The following ZNF385D variants were observed in gnomAD, a reference collection of about 807,000 sequenced individuals.
ZNF385D encodes the protein zinc finger protein 659.
A neutral mutation model predicts 35.8 loss-of-function variants in ZNF385D; 15 were observed. That is an observed-to-expected ratio of 0.42 (90% confidence interval 0.28 to 0.64). ZNF385D has a LOEUF of 0.64. ZNF385D is among the 30% of genes least tolerant of loss of function. ZNF385D has a pLI of 0.23. For synonymous variants in ZNF385D, 212 were observed against 186.8 expected (o/e 1.13, Z -1.10); for missense variants, 474 against 494.6 (o/e 0.96, Z 0.39).
chr3:22,232,453 GT>G (rs1172395325), intron 2 of ZNF385D, among the ~76,000 whole-genome samples: 1 of 151,772 alleles, frequency 6.6e-6, no homozygotes, highest in Non-Finnish European at 1.5e-5. Context: ...TGTTACATAG[GT>G]ATACATACAC....
intron 2 of ZNF385D, among the ~76,000 whole-genome samples, chr3:22,345,317 A>G (rs1446069674): frequency 1.3e-5 from 2 of 152,204 alleles, no homozygotes; most frequent in Non-Finnish European, 2.9e-5. Context: ...CATACTCAAT[A>G]TCTTTGTTTG....
intron 3 of ZNF385D, among the ~76,000 whole-genome samples, chr3:21,994,408 T>C (rs1287805974): frequency 6.6e-6 from 1 of 152,348 alleles, no homozygotes; most frequent in East Asian, 1.9e-4. Flanking sequence ...ATATCTATCT[T>C]TGTTGAATTT....
rs76275084 is a variant in ZNF385D at position 22,306,941 on chromosome 3, C to T, written c.106+65509G>A. Among the ~76,000 whole-genome samples, 388 of 152,228 alleles carry T rather than the reference C, an allele frequency of 2.5e-3. 2 individuals carry two copies. Among genetic ancestry groups the T allele is most frequent in the African/African-American group, 9.0e-3 (375 of 41,548 alleles). ...CACAGTCCCAGAAATAAATACAAGG[C>T]TGTTTAAATGTTCTCAGAAGTTCTG... On this transcript the variant is annotated intron_variant, in intron 2 of 5. Coordinates refer to the ZNF385D transcript ENST00000494108.
At chr3:21,455,168 A>G (rs1332182206) in intron 4 of ZNF385D, among the ~76,000 whole-genome samples, 1 of 152,214 alleles carries the variant, frequency 6.6e-6, no homozygotes, top group African/African-American at 2.4e-5. Flanking sequence ...GCCCAAGGTA[A>G]TTTATAGATT....
At chr3:22,258,036 A>G (rs980377624) in intron 2 of ZNF385D, among the ~76,000 whole-genome samples, 10 of 151,846 alleles carry the variant, frequency 6.6e-5, no homozygotes, top group African/African-American at 2.2e-4. Context: ...TTTTACACAA[A>G]GATCAGAGTT....
At chr3:22,082,713 T>C (rs2125585967) in intron 3 of ZNF385D, among the ~76,000 whole-genome samples, 1 of 152,316 alleles carries the variant, frequency 6.6e-6, no homozygotes, top group South Asian at 2.1e-4. Context: ...TCTCCCAGCA[T>C]GGTGTTTGAG....
intron 3 of ZNF385D, among the ~76,000 whole-genome samples, chr3:21,793,970 T>C (rs1451222632): frequency 6.6e-6 from 1 of 152,192 alleles, no homozygotes; most frequent in Non-Finnish European, 1.5e-5. Context: ...AAATCAGTTA[T>C]GAAAACTAGG....
At chr3:22,106,918 G>A (rs1192096868) in intron 3 of ZNF385D, among the ~76,000 whole-genome samples, 1 of 151,858 alleles carries the variant, frequency 6.6e-6, no homozygotes, top group South Asian at 2.1e-4. Flanking sequence ...ACTCTTGCTA[G>A]TTATGGTTAG....
intron 2 of ZNF385D, among the ~76,000 whole-genome samples, chr3:22,256,420 G>A (rs187723385): frequency 2.6e-5 from 4 of 151,684 alleles, no homozygotes; most frequent in African/African-American, 9.7e-5. Flanking sequence ...CATATTTAAA[G>A]ATTAATCTTC....
At chr3:22,149,591 A>C (rs745943550) in intron 3 of ZNF385D, among the ~76,000 whole-genome samples, 1 of 152,190 alleles carries the variant, frequency 6.6e-6, no homozygotes, top group Non-Finnish European at 1.5e-5. Context: ...TAAAGCCACG[A>C]CCATAGAGGT....
intron 3 of ZNF385D, among the ~76,000 whole-genome samples, chr3:22,107,546 C>G (rs1001473128): frequency 6.6e-6 from 1 of 151,950 alleles, no homozygotes; most frequent in Non-Finnish European, 1.5e-5. Context: ...AAGTAGGAAC[C>G]TAACCTGAGA....
intron 4 of ZNF385D, among the ~76,000 whole-genome samples, chr3:21,478,904 A>C (rs1704415554): frequency 6.6e-6 from 1 of 152,114 alleles, no homozygotes; most frequent in Non-Finnish European, 1.5e-5. Context: ...GGAGAAGGGA[A>C]TCACAGGAGG....
chr3:21,688,702 T>C (rs114997457), intron 1 of ZNF385D, among the ~76,000 whole-genome samples: 33 of 152,278 alleles, frequency 2.2e-4, no homozygotes, highest in African/African-American at 7.7e-4. Flanking sequence ...CTAATATGCA[T>C]TTAATTAACA....
At chr3:22,136,498 C>T (rs1329904935) in intron 3 of ZNF385D, among the ~76,000 whole-genome samples, 1 of 151,848 alleles carries the variant, frequency 6.6e-6, no homozygotes, top group African/African-American at 2.4e-5. Context: ...ATATTTCAAA[C>T]CCACATTAGA....
At chr3:22,082,835 C>A (rs1700828855) in intron 3 of ZNF385D, among the ~76,000 whole-genome samples, 1 of 152,162 alleles carries the variant, frequency 6.6e-6, no homozygotes, top group South Asian at 2.1e-4. Flanking sequence ...CAAGATGCCC[C>A]TCTGAGACGA....
intron 4 of ZNF385D, among the ~76,000 whole-genome samples, chr3:21,492,813 A>AAATAAATAAATT (rs1253199469): frequency 4.0e-5 from 6 of 151,266 alleles, no homozygotes; most frequent in African/African-American, 7.3e-5. Flanking sequence ...ATAAATAAAT[A>AAATAAATAAATT]AATTTTGGCA....
At chr3:21,806,522 A>C (rs1012030778) in intron 3 of ZNF385D, among the ~76,000 whole-genome samples, 1 of 152,052 alleles carries the variant, frequency 6.6e-6, no homozygotes, top group Non-Finnish European at 1.5e-5. Context: ...CTCGTTTTAT[A>C]GTTAATTGGG....
At chr3:21,928,291 AAGGAGGGAGGAAGGAAGGT>A (rs1222744390) in intron 3 of ZNF385D, among the ~76,000 whole-genome samples, 6 of 139,638 alleles carry the variant, frequency 4.3e-5, no homozygotes, top group Non-Finnish European at 7.8e-5. Flanking sequence ...GGAAGGAAGG[AAGGAGGGAGGAAGGAAGGT>A]AGGAGGGAGG....
rs992122125 is a variant in ZNF385D, at chr3:21,840,606, T to A, written c.326-175578A>T. 2.0e-5 allele frequency among the ~76,000 whole-genome samples: 3 copies of A among 152,176 alleles called. No individual in the cohort carries two copies. In the South Asian group the frequency reaches 6.2e-4, roughly 32 times the overall value. On this transcript the variant is annotated intron_variant, in intron 3 of 5. Transcript: ENST00000494108. ...TCCAACGTTGGCATATGAATGCATT[T>A]GGGATTTGGCGACCCATAAGCTGGA...
Sources: gnomAD v4.1 joint callset for allele counts (sites outside exome capture counted in the v4.1 genomes callset) on GRCh38, gnomAD v4.1.1 for gene constraint, MANE v1.5 for transcripts, NCBI Gene and HGNC (gene_info 2026-07-23, HGNC 2026-07-21) for gene names.